Variants in INVS observed in about 807,000 individuals in gnomAD.
INVS encodes the protein inversion of embryo turning homolog.
A neutral mutation model predicts 108.8 loss-of-function variants in INVS; 86 were observed. That is an observed-to-expected ratio of 0.79 (90% confidence interval 0.66 to 0.95). The LOEUF (loss-of-function observed/expected upper bound fraction) is 0.95, where lower values mean the gene tolerates loss of function less well. INVS is among the 40% of genes least tolerant of loss of function. INVS has a pLI of 0.00. For missense variants in INVS, 1,169 were observed against 1,297.4 expected (o/e 0.90, Z 1.52); for synonymous variants, 455 against 473.5 (o/e 0.96, Z 0.51).
chr9:100,140,709 C>T (rs1407778903), intron 3 of INVS, among the ~76,000 whole-genome samples: 1 of 152,022 alleles, frequency 6.6e-6, no homozygotes, highest in Admixed American at 6.6e-5. Context: ...AGGGCTGCTT[C>T]GAGCGGAATT....
intron 3 of INVS, among the ~76,000 whole-genome samples, chr9:100,207,321 TCTCA>T (rs1274695440): frequency 6.6e-6 from 1 of 152,076 alleles, no homozygotes; most frequent in Non-Finnish European, 1.5e-5. Context: ...TCAGGCAGAG[TCTCA>T]CTCTGTCACC....
chr9:100,217,340 T>G (rs1831022452), intron 3 of INVS, among the ~76,000 whole-genome samples: 1 of 152,060 alleles, frequency 6.6e-6, no homozygotes, highest in South Asian at 2.1e-4. Context: ...AAAGGAAAAC[T>G]ATGTCTCTGT....
chr9:100,118,128 C>G (rs1411800896), intron 2 of INVS, among the ~76,000 whole-genome samples: 1 of 151,268 alleles, frequency 6.6e-6, no homozygotes, highest in African/African-American at 2.4e-5. Context: ...TCTTGAACCC[C>G]TGGCCTCACG....
chr9:100,182,645 G>A (rs187052330), intron 3 of INVS, among the ~76,000 whole-genome samples: 276 of 152,312 alleles, frequency 1.8e-3, no homozygotes, highest in African/African-American at 6.3e-3. Flanking sequence ...GTGCTGGAGA[G>A]GATGTGGAGA....
chr9:100,209,509 G>A (rs1034481230), intron 3 of INVS, among the ~76,000 whole-genome samples: 3 of 152,108 alleles, frequency 2.0e-5, no homozygotes, highest in African/African-American at 4.8e-5. Context: ...AGTGGCTCAT[G>A]CCTGTAATCC....
In INVS at chr9:100,100,786, TTA is replaced by T. The variant is rs1161825155; in HGVS notation, c.-25+1379_-25+1380del. On this transcript the variant is annotated intron_variant, in intron 1 of 16. Coordinates refer to ENST00000262457, the MANE Select transcript of INVS (RefSeq NM_014425.5). Reference sequence around the variant, plus strand: ...ATAATATATGTATATATAATATATATTATATATATAATATATGTATATATAAT... The same window carrying T: ...ATAATATATGTATATATAATATATATTATATATAATATATGTATATATAAT... 1.4e-3 allele frequency among the ~76,000 whole-genome samples: 6 copies of T among 4,324 alleles called. 1 individual carries two copies. Among genetic ancestry groups the T allele is most frequent in the Non-Finnish European group, 1.8e-3 (6 of 3,406 alleles). The allele number at this position is 4,324 out of a possible 152,430, so 2.8% of individuals were successfully genotyped here. A position where few individuals can be genotyped will look rare whatever the true frequency, so the allele number is the denominator to read the frequency against.
intron 12 of INVS, among the ~76,000 whole-genome samples, chr9:100,282,281 G>GAC (rs1359610934): frequency 2.6e-5 from 4 of 152,142 alleles, no homozygotes; most frequent in Non-Finnish European, 5.9e-5. Flanking sequence ...GCTCCGAGAT[G>GAC]ACAGGCTGTC....
intron 11 of INVS, among the ~76,000 whole-genome samples, chr9:100,265,995 C>G (rs1396735608): frequency 6.6e-6 from 1 of 152,168 alleles, no homozygotes; most frequent in Admixed American, 6.5e-5. Flanking sequence ...AGGAGAATTG[C>G]TTGAACCCAG....
At chr9:100,265,603 T>C (rs978833783) in intron 11 of INVS, among the ~76,000 whole-genome samples, 1 of 152,190 alleles carries the variant, frequency 6.6e-6, no homozygotes, top group Non-Finnish European at 1.5e-5. Flanking sequence ...TTCCAGAGAT[T>C]TCTCTTGATG....
intron 10 of INVS, among the ~76,000 whole-genome samples, chr9:100,261,028 T>C (rs1832603974): frequency 6.6e-6 from 1 of 152,230 alleles, no homozygotes; most frequent in African/African-American, 2.4e-5. Context: ...AGTTGCGTAG[T>C]ATTAATTTAT....
intron 3 of INVS, among the ~76,000 whole-genome samples, chr9:100,145,941 G>A (rs1828595602): frequency 6.6e-6 from 1 of 152,218 alleles, no homozygotes; most frequent in Non-Finnish European, 1.5e-5. Context: ...AGAGGTTGGA[G>A]AAGAGATTAA....
chr9:100,278,913 T>C (rs1304120036), intron 12 of INVS, among the ~76,000 whole-genome samples: 2 of 152,226 alleles, frequency 1.3e-5, no homozygotes, highest in Non-Finnish European at 2.9e-5. Context: ...TGTGTTCTGA[T>C]TTTAAAAAGA....
intron 12 of INVS, among the ~76,000 whole-genome samples, chr9:100,281,963 G>A (rs1833293073): frequency 2.0e-5 from 3 of 152,154 alleles, no homozygotes; most frequent in Non-Finnish European, 4.4e-5. Flanking sequence ...AGAGGAGACT[G>A]CTCAAATAAC....
At chr9:100,212,084 T>C (rs1173477980) in intron 3 of INVS, among the ~76,000 whole-genome samples, 1 of 152,210 alleles carries the variant, frequency 6.6e-6, no homozygotes, top group African/African-American at 2.4e-5. Flanking sequence ...ATTTATGTCT[T>C]TCATGAGTTG....
intron 3 of INVS, among the ~76,000 whole-genome samples, chr9:100,160,411 T>C (rs1829133186): frequency 6.6e-6 from 1 of 152,204 alleles, no homozygotes; most frequent in South Asian, 2.1e-4. Flanking sequence ...ATCCTGGATG[T>C]CTAATTGACT....
chr9:100,195,970 A>T (rs74503451), intron 3 of INVS, among the ~76,000 whole-genome samples: 1 of 152,268 alleles, frequency 6.6e-6, no homozygotes, highest in African/African-American at 2.4e-5. Flanking sequence ...AGGTTTTCCT[A>T]TCAGGATTTG....
intron 3 of INVS, among the ~76,000 whole-genome samples, chr9:100,182,706 G>T (rs1829929896): frequency 6.6e-6 from 1 of 152,088 alleles, no homozygotes; most frequent in African/African-American, 2.4e-5. Context: ...TTCAACCTTT[G>T]TGAAGACAGT....
intron 3 of INVS, among the ~76,000 whole-genome samples, chr9:100,151,759 T>C (rs1216473713): frequency 6.6e-6 from 1 of 152,204 alleles, no homozygotes; most frequent in African/African-American, 2.4e-5. Flanking sequence ...TAATATGCTT[T>C]CAAGTTTCCT....
At chr9:100,146,106 G>T (rs972981821) in intron 3 of INVS, among the ~76,000 whole-genome samples, 8 of 152,204 alleles carry the variant, frequency 5.3e-5, no homozygotes, top group African/African-American at 1.9e-4. Flanking sequence ...CCGAGTCACA[G>T]CACCAAATTT....
Sources: allele counts gnomAD v4.1 joint callset (sites outside exome capture counted in the v4.1 genomes callset), GRCh38; gene constraint gnomAD v4.1.1; transcripts MANE v1.5; gene names NCBI Gene and HGNC (gene_info 2026-07-23, HGNC 2026-07-21).